GPC5: variants seen among roughly 807,000 people sequenced by gnomAD.
GPC5 encodes glypican 5, also known as glypican-5.
In GPC5, 47 loss-of-function variants were observed where a neutral mutation model predicts 53.9. The ratio of observed to expected loss-of-function variants is 0.87; its 90% confidence interval spans 0.69 to 1.11. The LOEUF (loss-of-function observed/expected upper bound fraction) is 1.11. GPC5 is among the 50% of genes most tolerant of loss of function. GPC5 has a pLI of 0.00. For missense variants in GPC5, 748 were observed against 713.1 expected (o/e 1.05, Z -0.56); for synonymous variants, 286 against 263.3 (o/e 1.09, Z -0.84).
At chr13:92,294,826 C>CTTTTTTT (rs147963724) in intron 7 of GPC5, among the ~76,000 whole-genome samples, 1 of 99,000 alleles carries the variant, frequency 1.0e-5, no homozygotes, top group Admixed American at 1.2e-4. Flanking sequence ...TTTTTTTTTT[C>CTTTTTTT]TTTTTTTTTT....
intron 7 of GPC5, among the ~76,000 whole-genome samples, chr13:92,305,592 G>GA (rs1281017618): frequency 2.0e-5 from 3 of 151,730 alleles, no homozygotes; most frequent in Non-Finnish European, 4.4e-5. Flanking sequence ...AGAACATCAT[G>GA]AAAAAAAATT....
chr13:91,851,382 G>A (rs1357242628), intron 5 of GPC5, among the ~76,000 whole-genome samples: 1 of 152,136 alleles, frequency 6.6e-6, no homozygotes, highest in Non-Finnish European at 1.5e-5. Flanking sequence ...ACTGGAAGTT[G>A]CTCTAGGCGA....
intron 7 of GPC5, among the ~76,000 whole-genome samples, chr13:92,650,230 A>G (rs78545822): frequency 0.015 from 2,334 of 152,228 alleles, 57 homozygotes; most frequent in African/African-American, 0.053. Context: ...CAAAACCTAT[A>G]GCATTTTGAA....
At chr13:92,451,478 A>G (rs998079176) in intron 7 of GPC5, among the ~76,000 whole-genome samples, 19 of 152,050 alleles carry the variant, frequency 1.2e-4, no homozygotes, top group Non-Finnish European at 1.9e-4. Flanking sequence ...TCAACACTTC[A>G]ACAGATTAAA....
intron 7 of GPC5, among the ~76,000 whole-genome samples, chr13:92,316,279 A>G (rs2043178697): frequency 1.3e-5 from 2 of 152,194 alleles, no homozygotes; most frequent in South Asian, 4.1e-4. Context: ...TTAATTTTAA[A>G]TACTTCAGGA....
At chr13:91,816,392 C>T (rs1368330799) in intron 5 of GPC5, among the ~76,000 whole-genome samples, 1 of 152,048 alleles carries the variant, frequency 6.6e-6, no homozygotes, top group Non-Finnish European at 1.5e-5. Flanking sequence ...GGAAGCATCA[C>T]ATGAAGAATG....
intron 3 of GPC5, among the ~76,000 whole-genome samples, chr13:91,726,820 C>T (rs901496654): frequency 6.6e-6 from 1 of 152,206 alleles, no homozygotes; most frequent in African/African-American, 2.4e-5. Context: ...TCCATCTGCA[C>T]AGCTGCTGTG....
intron 7 of GPC5, among the ~76,000 whole-genome samples, chr13:92,199,254 G>T (rs1207539057): frequency 6.6e-6 from 1 of 152,130 alleles, no homozygotes; most frequent in African/African-American, 2.4e-5. Context: ...TTTACTGCAC[G>T]GACCTGTGTC....
At chr13:91,744,791 A>T (rs572525772) in intron 4 of GPC5, among the ~76,000 whole-genome samples, 1 of 152,242 alleles carries the variant, frequency 6.6e-6, no homozygotes, top group African/African-American at 2.4e-5. Context: ...ATTGCCAAAG[A>T]GGGGAATATT....
At chr13:91,439,057 G>A (rs1880218155) in intron 1 of GPC5, among the ~76,000 whole-genome samples, 1 of 152,222 alleles carries the variant, frequency 6.6e-6, no homozygotes. Context: ...CTGTAGACTG[G>A]AGCTGTTCCT....
intron 7 of GPC5, among the ~76,000 whole-genome samples, chr13:92,292,238 T>C (rs2043001900): frequency 6.6e-6 from 1 of 152,208 alleles, no homozygotes; most frequent in African/African-American, 2.4e-5. Flanking sequence ...AGCTCTACTT[T>C]TAGTTCTTTA....
At chr13:92,059,118 C>A (rs1268530435) in intron 6 of GPC5, among the ~76,000 whole-genome samples, 3 of 152,068 alleles carry the variant, frequency 2.0e-5, no homozygotes, top group Admixed American at 2.0e-4. Context: ...TTTTCCTGTG[C>A]AGATTTAGGG....
chr13:92,700,993 A>G (rs1887718648), intron 7 of GPC5, among the ~76,000 whole-genome samples: 1 of 151,966 alleles, frequency 6.6e-6, no homozygotes, highest in African/African-American at 2.4e-5. Context: ...CACATGATAG[A>G]CTGTAATATT....
At chr13:92,747,295 T>C (rs577455521) in intron 7 of GPC5, among the ~76,000 whole-genome samples, 2 of 152,288 alleles carry the variant, frequency 1.3e-5, no homozygotes, top group African/African-American at 4.8e-5. Context: ...ACTTAAAGCA[T>C]TGTCATTGCT....
At chr13:91,784,537 C>A (rs534090153) in intron 5 of GPC5, among the ~76,000 whole-genome samples, 46 of 152,120 alleles carry the variant, frequency 3.0e-4, no homozygotes, top group African/African-American at 1.1e-3. Context: ...CCAGCCTGAC[C>A]AAGATGGAAA....
chr13:92,696,260 G>A (rs1275697905), intron 7 of GPC5, among the ~76,000 whole-genome samples: 1 of 152,088 alleles, frequency 6.6e-6, no homozygotes, highest in Non-Finnish European at 1.5e-5. Context: ...CTAGATCCTT[G>A]AGGAATCATC....
chr13:91,527,512 A>C (rs1195712149), intron 2 of GPC5, among the ~76,000 whole-genome samples: 1 of 152,204 alleles, frequency 6.6e-6, no homozygotes, highest in Non-Finnish European at 1.5e-5. Context: ...CACAGCTGGC[A>C]TTGAGTGCCT....
chr13:91,434,995 T>C (rs1054657394), intron 1 of GPC5, among the ~76,000 whole-genome samples: 4 of 152,194 alleles, frequency 2.6e-5, no homozygotes, highest in African/African-American at 9.7e-5. Context: ...GTTTGTCCGT[T>C]ATTGGTGTAT....
At chr13:92,519,818 C>A (rs9516084) in intron 7 of GPC5, among the ~76,000 whole-genome samples, 2 of 151,876 alleles carry the variant, frequency 1.3e-5, no homozygotes, top group East Asian at 1.9e-4. Flanking sequence ...AAAAACCCTT[C>A]AAAAAATCAA....
Sources: gnomAD v4.1 joint callset for allele counts (sites outside exome capture counted in the v4.1 genomes callset) on GRCh38, gnomAD v4.1.1 for gene constraint, MANE v1.5 for transcripts, NCBI Gene and HGNC (gene_info 2026-07-23, HGNC 2026-07-21) for gene names.